The following SCAPER variants were observed in gnomAD, a reference collection of about 807,000 sequenced individuals.
SCAPER encodes S-phase cyclin A associated protein in the ER, also known as S phase cyclin A-associated protein in the endoplasmic reticulum.
In SCAPER, 98 loss-of-function variants were observed where a neutral mutation model predicts 182.2. The ratio of observed to expected loss-of-function variants is 0.54; its 90% CI spans 0.46 to 0.64. The LOEUF is 0.64. SCAPER is among the 30% of genes least tolerant of loss of function. The pLI is 0.00. For missense variants in SCAPER, 1,432 were observed against 1,690.0 expected (o/e 0.85, Z 2.68); for synonymous variants, 605 against 564.6 (o/e 1.07, Z -1.01).
chr15:76,361,045 G>C (rs533433975), intron 29 of SCAPER, among the ~76,000 whole-genome samples: 1 of 151,792 alleles, frequency 6.6e-6, no homozygotes, highest in East Asian at 1.9e-4. Context: ...AAAGGAAAGT[G>C]GAGGTGGGAT....
At chr15:76,594,214 A>G (rs1264405625) in intron 22 of SCAPER, among the ~76,000 whole-genome samples, 3 of 119,814 alleles carry the variant, frequency 2.5e-5, no homozygotes, top group African/African-American at 7.6e-5. Context: ...ACCAAGCGGA[A>G]GAAAGGATAT....
intron 25 of SCAPER, among the ~76,000 whole-genome samples, chr15:76,468,069 A>G (rs903654186): frequency 2.0e-5 from 3 of 152,174 alleles, no homozygotes; most frequent in Non-Finnish European, 4.4e-5. Context: ...CCCTTATTTA[A>G]AGGATACTAA....
chr15:76,751,112 T>C (rs996781078), intron 15 of SCAPER, among the ~76,000 whole-genome samples: 3 of 151,668 alleles, frequency 2.0e-5, no homozygotes, highest in Admixed American at 6.6e-5. Context: ...GAAAAGGAGA[T>C]CATGAAAACA....
intron 7 of SCAPER, among the ~76,000 whole-genome samples, chr15:76,795,985 CAGGAGGCAGAG>C (rs201837591): frequency 0.031 from 4,674 of 152,176 alleles, 106 homozygotes; most frequent in Non-Finnish European, 0.05. Flanking sequence ...TGCTTGAGCC[CAGGAGGCAGAG>C]GTTGTAGTGA....
At chr15:76,614,113 G>A (rs571755038) in intron 22 of SCAPER, among the ~76,000 whole-genome samples, 1 of 152,302 alleles carries the variant, frequency 6.6e-6, no homozygotes, top group South Asian at 2.1e-4. Context: ...GAATGGTGCT[G>A]CGGGCCATTA....
intron 26 of SCAPER, among the ~76,000 whole-genome samples, chr15:76,433,748 C>T (rs1033599954): frequency 2.9e-4 from 44 of 152,198 alleles, no homozygotes; most frequent in Non-Finnish European, 5.9e-5. Flanking sequence ...TGTGCTCTTC[C>T]GTGTTTTCCA....
In SCAPER at chr15:76,868,715, C is replaced by T. The variant is rs549394476; in HGVS notation, c.7-6182G>A. Among the ~76,000 whole-genome samples the T allele has an allele frequency of 2.0e-5, 3 of 152,124 alleles. No individual in the cohort carries two copies. The East Asian group carries it at 5.8e-4, about 29-fold the overall frequency. On this transcript the variant is annotated intron_variant, in intron 2 of 31. Transcript: ENST00000563290. ...ACTATTAAAACAACACTACCCAAAGCAATTTACAGATTCAATGCAATCCCT... is the reference window on the plus strand; with the variant it reads ...ACTATTAAAACAACACTACCCAAAGTAATTTACAGATTCAATGCAATCCCT...
chr15:76,809,454 A>G (rs1265894772), intron 5 of SCAPER, among the ~76,000 whole-genome samples: 1 of 152,194 alleles, frequency 6.6e-6, no homozygotes, highest in Admixed American at 6.5e-5. Context: ...GCTGAAGAAT[A>G]TAATACTCAA....
At chr15:76,679,168 T>C (rs751769353) in intron 20 of SCAPER, among the ~76,000 whole-genome samples, 4 of 152,172 alleles carry the variant, frequency 2.6e-5, no homozygotes, top group Non-Finnish European at 4.4e-5. Flanking sequence ...GAAAAATTAC[T>C]TAATTCATAT....
Position 76,834,756 on chromosome 15 carries a change from G to C in SCAPER, c.393+6978C>G, listed in dbSNP as rs111808707. 4.1e-3 allele frequency among the ~76,000 whole-genome samples: 625 copies of C among 152,210 alleles called. 4 individuals carry two copies. The highest frequency in any genetic ancestry group is 4.9e-3 in the Non-Finnish European group (335 of 68,008). ...CCCACAGAAATACAAAAAACCCTCA[G>C]AGACTATTAGAGACACTTCTGTGCA... On this transcript the variant is annotated intron_variant, in intron 5 of 31. Coordinates refer to ENST00000563290, the MANE Select transcript of SCAPER (RefSeq NM_020843.4).
chr15:76,550,657 G>A (rs559131750), intron 23 of SCAPER, among the ~76,000 whole-genome samples: 3 of 152,220 alleles, frequency 2.0e-5, no homozygotes, highest in East Asian at 1.9e-4. Context: ...ATAAACATAC[G>A]TGTGCATGTA....
chr15:76,599,391 A>G (rs573127663), intron 22 of SCAPER, among the ~76,000 whole-genome samples: 1 of 122,348 alleles, frequency 8.2e-6, no homozygotes, highest in African/African-American at 2.5e-5. Context: ...ATATCAAAGG[A>G]CTTTGCACAT....
intron 24 of SCAPER, among the ~76,000 whole-genome samples, chr15:76,498,100 A>G (rs539020438): frequency 4.4e-4 from 66 of 151,498 alleles, no homozygotes; most frequent in African/African-American, 1.5e-3. Flanking sequence ...TTTAATGAAG[A>G]GTCTTCTGTT....
chr15:76,718,187 A>G (rs1598345862), intron 17 of SCAPER, among the ~76,000 whole-genome samples: 1 of 152,230 alleles, frequency 6.6e-6, no homozygotes, highest in Non-Finnish European at 1.5e-5. Context: ...TGAGTTAAAG[A>G]AGAAATCAAA....
intron 29 of SCAPER, among the ~76,000 whole-genome samples, chr15:76,367,911 T>G (rs755519700): frequency 1.3e-5 from 2 of 152,166 alleles, no homozygotes; most frequent in Non-Finnish European, 2.9e-5. Context: ...TGCTCTACTT[T>G]TGGAAAAAAA....
At chr15:76,635,482 G>A (rs932692298) in intron 21 of SCAPER, among the ~76,000 whole-genome samples, 7 of 152,118 alleles carry the variant, frequency 4.6e-5, no homozygotes, top group Admixed American at 3.3e-4. Flanking sequence ...ATTTGAGGAC[G>A]TGCTGTTTTA....
At chr15:76,723,894 T>G (rs1423438285) in intron 17 of SCAPER, among the ~76,000 whole-genome samples, 1 of 152,236 alleles carries the variant, frequency 6.6e-6, no homozygotes, top group Non-Finnish European at 1.5e-5. Context: ...AGTCTGTGAC[T>G]TTTAATTGGA....
At chr15:76,376,042 G>A (rs2042543656) in intron 29 of SCAPER, 120 bp downstream of exon 29, 1 of 1,282,244 alleles carries the variant, frequency 7.8e-7, no homozygotes, top group Non-Finnish European at 1.1e-6. Context: ...CTGCAGTCTG[G>A]TTAAAGGGCT....
At chr15:76,790,011 G>A (rs377546110) in intron 8 of SCAPER, among the ~76,000 whole-genome samples, 6 of 152,172 alleles carry the variant, frequency 3.9e-5, no homozygotes, top group Admixed American at 6.5e-5. Context: ...GGCGGATCAC[G>A]AGGTCAGGAG....
Sources: gnomAD v4.1 joint callset for allele counts (sites outside exome capture counted in the v4.1 genomes callset) on GRCh38, gnomAD v4.1.1 for gene constraint, MANE v1.5 for transcripts, NCBI Gene and HGNC (gene_info 2026-07-23, HGNC 2026-07-21) for gene names.